Variants in GALNT13 observed in about 807,000 individuals in gnomAD.
GALNT13 encodes UDP-GalNAc:polypeptide N-acetylgalactosaminyltransferase 13.
Under a neutral mutation model 64.2 loss-of-function variants are expected in GALNT13, and 28 were observed. The observed-to-expected ratio is 0.44, with a 90% confidence interval of 0.32 to 0.60. GALNT13 has a LOEUF of 0.60. GALNT13 is among the 20% of genes least tolerant of loss of function. The pLI is 0.05. For synonymous variants in GALNT13, 214 were observed against 224.6 expected, an observed-to-expected ratio of 0.95 and a Z score of 0.42; for missense variants, 577 against 669.8, an observed-to-expected ratio of 0.86 and a Z score of 1.53.
At chr2:153,118,108 A>AACAC in the GALNT13 span, among the ~76,000 whole-genome samples, 3,599 of 12,792 alleles carry the variant, frequency 0.28, 78 homozygotes, top group Middle Eastern at 0.5. Flanking sequence ...ACTATGTACC[A>AACAC]ACACACACAC....
chr2:153,379,579 G>A, the GALNT13 span, among the ~76,000 whole-genome samples: 2 of 152,090 alleles, frequency 1.3e-5, no homozygotes, highest in Non-Finnish European at 2.9e-5. Flanking sequence ...TTCTCAATTA[G>A]GACATCAAGG....
chr2:154,223,385 T>TA (rs1688415095), intron 4 of GALNT13, among the ~76,000 whole-genome samples: 1 of 151,978 alleles, frequency 6.6e-6, no homozygotes, highest in African/African-American at 2.4e-5. Context: ...TTCACTATGT[T>TA]ATTGTAGATG....
At chr2:154,118,577 T>G (rs1681743996) in intron 3 of GALNT13, among the ~76,000 whole-genome samples, 2 of 148,014 alleles carry the variant, frequency 1.4e-5, no homozygotes, top group African/African-American at 2.5e-5. Context: ...GTTTTGTAGG[T>G]TTTTTTTTTC....
intron 3 of GALNT13, among the ~76,000 whole-genome samples, chr2:153,986,414 A>G (rs1694804164): frequency 6.6e-6 from 1 of 152,044 alleles, no homozygotes. Context: ...TGCTAGGATT[A>G]CAACAGTATA....
chr2:153,316,668 A>G, the GALNT13 span, among the ~76,000 whole-genome samples: 4 of 151,658 alleles, frequency 2.6e-5, no homozygotes, highest in African/African-American at 9.7e-5. Context: ...AATTTGTACA[A>G]CGTGTTCACA....
rs1553536796 is a variant in GALNT13, at chr2:154,451,016, T to C, written c.*465T>C. The C allele has an allele frequency of 6.5e-6, 1 of 152,822 alleles. No individual in the cohort carries two copies. 9.5% of individuals were successfully genotyped at this position (152,822 alleles called of 1,614,324 possible). On this transcript the variant is annotated 3_prime_UTR_variant, in exon 13 of 13. Transcript: ENST00000392825. ...TTTCTGTGTCTACAACAGGGCCACA[T>C]ATTAAATTACTTCTGAATGGTGAAT...
chr2:154,078,087 A>G (rs1481324045), intron 3 of GALNT13, among the ~76,000 whole-genome samples: 1 of 151,570 alleles, frequency 6.6e-6, no homozygotes, highest in Non-Finnish European at 1.5e-5. Flanking sequence ...TTTTCTAATT[A>G]TAATCAGAAA....
chr2:153,842,175 G>T, the GALNT13 span, among the ~76,000 whole-genome samples: 20 of 151,986 alleles, frequency 1.3e-4, no homozygotes, highest in Admixed American at 6.6e-5. Context: ...CAGCATCAGA[G>T]AACTAGCAAG....
chr2:153,559,165 A>G, the GALNT13 span, among the ~76,000 whole-genome samples: 2 of 152,208 alleles, frequency 1.3e-5, no homozygotes, highest in Non-Finnish European at 2.9e-5. Flanking sequence ...TCATTATAAT[A>G]GCTAACAAAA....
At chr2:154,377,048 ATATATCTT>A (rs971286537) in intron 9 of GALNT13, among the ~76,000 whole-genome samples, 4 of 152,160 alleles carry the variant, frequency 2.6e-5, no homozygotes, top group Non-Finnish European at 5.9e-5. Flanking sequence ...CCTAGTTCAG[ATATATCTT>A]TATAATTCTA....
the GALNT13 span, among the ~76,000 whole-genome samples, chr2:153,742,425 A>T: frequency 1.3e-5 from 2 of 152,118 alleles, no homozygotes; most frequent in African/African-American, 4.8e-5. Context: ...TCTCAAAATT[A>T]GTTTAGATTT....
chr2:153,081,348 A>G, the GALNT13 span, among the ~76,000 whole-genome samples: 1 of 152,188 alleles, frequency 6.6e-6, no homozygotes, highest in Non-Finnish European at 1.5e-5. Context: ...TCAAGCATTT[A>G]TTCTTTGAGT....
At chr2:153,962,794 GCCCAT>G (rs1241847107) in intron 3 of GALNT13, among the ~76,000 whole-genome samples, 1 of 152,110 alleles carries the variant, frequency 6.6e-6, no homozygotes, top group Non-Finnish European at 1.5e-5. Context: ...CCTCTAGGCA[GCCCAT>G]TCCTCCACTT....
the GALNT13 span, among the ~76,000 whole-genome samples, chr2:153,589,515 T>G: frequency 6.6e-6 from 1 of 152,216 alleles, no homozygotes; most frequent in South Asian, 2.1e-4. Flanking sequence ...TGCCCCACTC[T>G]ACTGGTACCA....
chr2:153,606,385 C>G, the GALNT13 span, among the ~76,000 whole-genome samples: 2 of 152,094 alleles, frequency 1.3e-5, no homozygotes, highest in African/African-American at 4.8e-5. Context: ...AAACCCTAAA[C>G]AAAGATTGTC....
the GALNT13 span, among the ~76,000 whole-genome samples, chr2:153,505,563 T>C: frequency 6.6e-6 from 1 of 152,154 alleles, no homozygotes; most frequent in African/African-American, 2.4e-5. Flanking sequence ...TGTGTCACTA[T>C]TATTGCTCAG....
At chr2:153,297,927 G>A in the GALNT13 span, among the ~76,000 whole-genome samples, 7 of 152,162 alleles carry the variant, frequency 4.6e-5, no homozygotes, top group East Asian at 1.4e-3. Context: ...CCAATGGAGA[G>A]AGAAAACATT....
intron 3 of GALNT13, among the ~76,000 whole-genome samples, chr2:153,976,158 G>A (rs995787263): frequency 1.3e-5 from 2 of 151,960 alleles, no homozygotes; most frequent in Admixed American, 1.3e-4. Flanking sequence ...AACCTGTAGA[G>A]GATATGTTCT....
chr2:153,374,761 C>T, the GALNT13 span, among the ~76,000 whole-genome samples: 4 of 152,114 alleles, frequency 2.6e-5, no homozygotes, highest in Non-Finnish European at 5.9e-5. Context: ...TCCCTCCATC[C>T]CTGGAGAGCA....
Sources: gnomAD v4.1 joint callset for allele counts (sites outside exome capture counted in the v4.1 genomes callset) on GRCh38, gnomAD v4.1.1 for gene constraint, MANE v1.5 for transcripts, NCBI Gene and HGNC (gene_info 2026-07-23, HGNC 2026-07-21) for gene names.